BCORL1: variants seen among roughly 807,000 people sequenced by gnomAD.
BCORL1 encodes BCL-6 corepressor-like protein 1.
A neutral mutation model predicts 87.6 loss-of-function variants in BCORL1; 7 were observed. The ratio of observed to expected loss-of-function variants is 0.08; its 90% CI spans 0.05 to 0.15. The LOEUF (loss-of-function observed/expected upper bound fraction) is 0.15, where lower values mean the gene tolerates loss of function less well. Ranked by LOEUF, BCORL1 falls within the 10% of genes least tolerant of loss-of-function variation. BCORL1 has a pLI of 1.00. For missense variants in BCORL1, 1,215 were observed against 1,499.7 expected, an observed-to-expected ratio of 0.81 and a Z score of 3.13; for synonymous variants, 591 against 634.4, an observed-to-expected ratio of 0.93 and a Z score of 1.03.
At chrX:130,011,209 A>G (rs1928933324) in intron 2 of BCORL1, among the ~76,000 whole-genome samples, 1 of 108,083 alleles carries the variant, frequency 9.3e-6, no homozygotes, top group African/African-American at 3.4e-5. Flanking sequence ...CACAGCTCCC[A>G]AGGGCAGGGG....
chrX:129,998,428 A>C lies in BCORL1; in HGVS notation c.-44-6760A>C, dbSNP rs754921662. ...GCTTCAAGCAAAAGCAAGCCAGCAT[A>C]CAAGTGTGTAAACCAGCAGCGCTTA... is the stretch of plus-strand genomic sequence containing the variant. On this transcript the variant is annotated intron_variant, in intron 1 of 13. Transcript: ENST00000540052. 8.1e-5 allele frequency among the ~76,000 whole-genome samples: 9 copies of C among 111,633 alleles called. No individual in the cohort carries two copies. In the South Asian group the frequency reaches 3.4e-3, roughly 42 times the overall value.
In BCORL1 at chrX:130,014,630, A is replaced by T. The variant is rs2124447684; in HGVS notation, c.1858A>T (p.Met620Leu). 1 of 1,211,260 alleles carries T rather than the reference A, an allele frequency of 8.3e-7. No homozygotes were observed. Among genetic ancestry groups the T allele is most frequent in the Non-Finnish European group, 1.1e-6 (1 of 895,418 alleles). ...GGCCTCTCCACCTGAGTGCAGCGAG[A>T]TGCCCCTTGATCTGTCCTCCAAGTC... ...EMASPPECSEMPLDLSSKSNR... is the reference protein window; with the variant it reads ...EMASPPECSELPLDLSSKSNR... Residue 620 changes from methionine to leucine, a missense_variant, in exon 4 of 14, where the codon ATG becomes TTG. Transcript: ENST00000540052.
At chrX:130,037,939 G>A (rs1281334774) in intron 10 of BCORL1, among the ~76,000 whole-genome samples, 3 of 111,932 alleles carry the variant, frequency 2.7e-5, no homozygotes, top group Non-Finnish European at 5.7e-5. Flanking sequence ...CTGAACCTTC[G>A]TAGCACACCA....
At chrX:130,039,478 C>A (rs1029860984) in intron 11 of BCORL1, among the ~76,000 whole-genome samples, 196 bp downstream of exon 11, 4 of 112,700 alleles carry the variant, frequency 3.5e-5, no homozygotes, top group African/African-American at 1.3e-4. Context: ...TTCCTCTTAT[C>A]CCCTTACTGC....
chrX:130,022,883 A>G lies in BCORL1; in HGVS notation c.3608-14A>G, dbSNP rs1352603446. 1 of 1,203,963 alleles carries G rather than the reference A, an allele frequency of 8.3e-7. No homozygotes were observed. Among genetic ancestry groups the G allele is most frequent in the African/African-American group, 1.8e-5 (1 of 56,991 alleles). ...CATTTCTGCCTTCTGTCCCCAAACC[A>G]CACATCACTCCAGGTTCCTTGGAAA... On this transcript the variant is annotated splice_polypyrimidine_tract_variant and intron_variant, in intron 5 of 13. Coordinates refer to ENST00000540052, the MANE Select transcript of BCORL1 (RefSeq NM_001379451.1).
At chrX:129,985,530 G>A (rs1383016567) in intron 1 of BCORL1, among the ~76,000 whole-genome samples, 1 of 111,939 alleles carries the variant, frequency 8.9e-6, no homozygotes, top group African/African-American at 3.3e-5. Flanking sequence ...AGAAGCAAAA[G>A]GCTGGGGAGG....
At chrX:130,054,171 T>C (rs1183495563) in intron 13 of BCORL1, among the ~76,000 whole-genome samples, 3 of 112,246 alleles carry the variant, frequency 2.7e-5, no homozygotes, top group Admixed American at 9.4e-5. Flanking sequence ...TAAGCAGATT[T>C]ATTATAAAAA....
intron 2 of BCORL1, among the ~76,000 whole-genome samples, chrX:130,009,813 C>A (rs1928812530): frequency 9.0e-6 from 1 of 111,091 alleles, no homozygotes; most frequent in African/African-American, 3.3e-5. Flanking sequence ...CTGAAGCCTG[C>A]TATGACCTCT....
In BCORL1 at chrX:130,028,144, A is replaced by C. The variant is rs2071720; in HGVS notation, c.4079-491A>C. Among the ~76,000 whole-genome samples, 62 of 111,524 alleles carry C rather than the reference A, an allele frequency of 5.6e-4. No homozygotes were observed. The East Asian group carries it at 0.016, about 28-fold the overall frequency. ...GATCTTTGTGTCCTCGGAGAGTGAC[A>C]AATGGGGCAGTCAGGTGAGTAGAGC... On this transcript the variant is annotated intron_variant, in intron 7 of 13. Coordinates refer to ENST00000540052, the MANE Select transcript of BCORL1 (RefSeq NM_001379451.1).
chrX:129,998,055 G>A (rs765609447), intron 1 of BCORL1, among the ~76,000 whole-genome samples: 5 of 106,852 alleles, frequency 4.7e-5, no homozygotes, highest in South Asian at 8.1e-4. Flanking sequence ...GGCAGAGCAC[G>A]TGCTCTCCTT....
Position 130,015,168 on chromosome X carries a change from C to T in BCORL1, c.2396C>T (p.Thr799Ile), listed in dbSNP as rs778874318. Reference protein sequence around the residue: ...RIAPGLPGCQTKELSLWKPTG... With the variant: ...RIAPGLPGCQIKELSLWKPTG... Reference sequence around the variant, plus strand: ...GCCCCTGGGCTGCCAGGGTGCCAAACCAAGGAACTCTCTTTGTGGAAACCC... The same window carrying T: ...GCCCCTGGGCTGCCAGGGTGCCAAATCAAGGAACTCTCTTTGTGGAAACCC... The change falls in exon 4 of 14, where the codon ACC (threonine) becomes ATC (isoleucine). Residue 799 changes from threonine (T) to isoleucine (I), a missense_variant. By Grantham distance (89) the Thr-to-Ile change is moderately conservative. This residue lies in a region of BCORL1 where 861 missense variants were observed against 1,010.0 expected (regional missense o/e 0.85). Transcript: ENST00000540052. 164 of 1,211,023 alleles carry T rather than the reference C, an allele frequency of 1.4e-4. No individual in the cohort carries two copies. The South Asian group carries it at 2.8e-3, about 20-fold the overall frequency.
chrX:130,050,059 A>G (rs776146450), intron 11 of BCORL1, among the ~76,000 whole-genome samples: 5 of 111,374 alleles, frequency 4.5e-5, no homozygotes, highest in South Asian at 3.7e-4. Flanking sequence ...TTTGGACACA[A>G]TGTTGCCAGA....
intron 1 of BCORL1, among the ~76,000 whole-genome samples, chrX:130,000,292 C>T (rs1898057560): frequency 8.9e-6 from 1 of 111,927 alleles, no homozygotes; most frequent in Admixed American, 9.6e-5. Flanking sequence ...CCCAGCTCAA[C>T]CTCCCAAAGT....
Position 130,051,453 on chromosome X carries a change from T to C in BCORL1, c.4919-407T>C, listed in dbSNP as rs781026387. On this transcript the variant is annotated intron_variant, in intron 12 of 13. Coordinates refer to ENST00000540052, the MANE Select transcript of BCORL1 (RefSeq NM_001379451.1). Reference sequence around the variant, plus strand: ...GGAACCCGCTCAGCCCCCTCTGGGCTTCGTGGGAGCCCTGCAGGCAGTGAG... The same window carrying C: ...GGAACCCGCTCAGCCCCCTCTGGGCCTCGTGGGAGCCCTGCAGGCAGTGAG... Among the ~76,000 whole-genome samples, 5 of 112,854 alleles carry C rather than the reference T, an allele frequency of 4.4e-5. No individual in the cohort carries two copies. The East Asian group carries it at 1.1e-3, about 25-fold the overall frequency.
intron 11 of BCORL1, among the ~76,000 whole-genome samples, chrX:130,045,299 C>T (rs937110682): frequency 2.7e-5 from 3 of 112,245 alleles, no homozygotes; most frequent in Admixed American, 9.4e-5. Context: ...CAGTTTGGTT[C>T]GGGACATCAG....
chrX:130,003,024 T>G (rs1928180534), intron 1 of BCORL1, among the ~76,000 whole-genome samples: 1 of 110,625 alleles, frequency 9.0e-6, no homozygotes, highest in Non-Finnish European at 1.9e-5. Context: ...CGTATCCCAC[T>G]CTGCAGAGAT....
At chrX:129,989,549 C>T (rs1373203140) in intron 1 of BCORL1, among the ~76,000 whole-genome samples, 1 of 91,809 alleles carries the variant, frequency 1.1e-5, no homozygotes, top group Admixed American at 1.3e-4. Flanking sequence ...TCACTGCAAC[C>T]TCCGTCTCCT....
chrX:129,991,651 CTTTTTT>C (rs112594609), intron 1 of BCORL1, among the ~76,000 whole-genome samples: 1 of 47,539 alleles, frequency 2.1e-5, no homozygotes, highest in African/African-American at 9.7e-5. Context: ...AGAAAATATT[CTTTTTT>C]TTTTTTTTTT....
At chrX:129,983,572 T>C (rs1284012222) in intron 1 of BCORL1, among the ~76,000 whole-genome samples, 6 of 101,997 alleles carry the variant, frequency 5.9e-5, no homozygotes, top group African/African-American at 2.2e-4. Flanking sequence ...GGGGTACCCC[T>C]AGGTGGCGGC....
Sources: allele counts gnomAD v4.1 joint callset (sites outside exome capture counted in the v4.1 genomes callset), GRCh38; gene constraint gnomAD v4.1.1; regional missense constraint gnomAD v4.1.1; transcripts MANE v1.5; gene names NCBI Gene and HGNC (gene_info 2026-07-23, HGNC 2026-07-21).